The following CCDC102B variants were observed in gnomAD, a reference collection of about 807,000 sequenced individuals.
CCDC102B encodes the protein coiled-coil domain-containing protein 102B.
Under a neutral mutation model 57.4 loss-of-function variants are expected in CCDC102B, and 75 were observed. The observed-to-expected ratio is 1.31, with a 90% CI of 1.08 to 1.58. CCDC102B has a LOEUF of 1.58. CCDC102B is among the 40% of genes most tolerant of loss of function. CCDC102B has a pLI of 0.00. For synonymous variants in CCDC102B, 206 were observed against 201.9 expected, an observed-to-expected ratio of 1.02 and a Z score of -0.17; for missense variants, 636 against 582.6, an observed-to-expected ratio of 1.09 and a Z score of -0.94.
intron 2 of CCDC102B, among the ~76,000 whole-genome samples, chr18:68,757,238 A>G (rs631470): frequency 0.074 from 11,188 of 152,206 alleles, 795 homozygotes; most frequent in African/African-American, 0.18. Flanking sequence ...ATTAGCTTGC[A>G]TGAAGAAAAT....
At chr18:68,810,777 G>C (rs1251397071) in intron 1 of CCDC102B, among the ~76,000 whole-genome samples, 1 of 142,828 alleles carries the variant, frequency 7.0e-6, no homozygotes, top group Non-Finnish European at 1.5e-5. Flanking sequence ...TGCCATGGTG[G>C]TTTGCTGCAC....
At chr18:68,865,414 A>C (rs1942296) in intron 4 of CCDC102B, among the ~76,000 whole-genome samples, 151,865 of 152,166 alleles carry the variant, frequency 1, 75,783 homozygotes, top group Middle Eastern at 1. Flanking sequence ...TTCACTGCTC[A>C]GACTGGTTTT....
chr18:68,738,993 C>CTTATTTTT lies in CCDC102B; in HGVS notation c.-67+22401_-67+22402insATTTTTTT, dbSNP rs1555695902. On this transcript the variant is annotated intron_variant, in intron 2 of 3. Transcript: ENST00000578970. ...GGCCATTGGACTGTAGATGAGCAGC[C>CTTATTTTT]TTTTGTTTTTTTTTTTTTTAGACCA... Among the ~76,000 whole-genome samples the CTTATTTTT allele has an allele frequency of 3.8e-3, 547 of 144,988 alleles. 7 individuals are homozygous for CTTATTTTT. The highest frequency in any genetic ancestry group is 0.028 in the Admixed American group (410 of 14,552).
intron 6 of CCDC102B, among the ~76,000 whole-genome samples, chr18:68,967,733 A>C (rs1465232550): frequency 3.3e-5 from 5 of 152,152 alleles, no homozygotes; most frequent in African/African-American, 4.8e-5. Flanking sequence ...CTATGTGATT[A>C]ATAATAAAAC....
At chr18:69,032,683 T>A (rs2052180198) in intron 7 of CCDC102B, among the ~76,000 whole-genome samples, 2 of 152,182 alleles carry the variant, frequency 1.3e-5, no homozygotes, top group South Asian at 2.1e-4. Context: ...ATACTTCTAC[T>A]GCAAGTGATC....
intron 7 of CCDC102B, among the ~76,000 whole-genome samples, chr18:69,038,407 A>G (rs2052350469): frequency 6.6e-6 from 1 of 152,024 alleles, no homozygotes; most frequent in Non-Finnish European, 1.5e-5. Flanking sequence ...TGAATAAAAC[A>G]TGAATATTTT....
chr18:68,921,520 C>T (rs528991110), intron 6 of CCDC102B, among the ~76,000 whole-genome samples: 3 of 152,204 alleles, frequency 2.0e-5, no homozygotes, highest in East Asian at 3.9e-4. Flanking sequence ...TATAGATTAC[C>T]CTACATTATC....
chr18:69,044,163 T>A (rs2052501468), intron 7 of CCDC102B, among the ~76,000 whole-genome samples: 1 of 152,158 alleles, frequency 6.6e-6, no homozygotes, highest in Non-Finnish European at 1.5e-5. Context: ...TCTTTTTACC[T>A]GTCATAAAGC....
intron 5 of CCDC102B, among the ~76,000 whole-genome samples, chr18:68,882,841 C>T (rs922723344): frequency 2.6e-5 from 4 of 152,046 alleles, no homozygotes; most frequent in African/African-American, 9.7e-5. Flanking sequence ...TTTGCAGGGA[C>T]ATGGATGGGG....
chr18:68,774,970 A>G (rs1231216714), intron 2 of CCDC102B, among the ~76,000 whole-genome samples: 1 of 150,998 alleles, frequency 6.6e-6, no homozygotes, highest in Non-Finnish European at 1.5e-5. Context: ...GTTAAAATAT[A>G]TGCTATATAC....
intron 6 of CCDC102B, among the ~76,000 whole-genome samples, chr18:68,970,315 C>T (rs1444228180): frequency 2.0e-5 from 3 of 151,836 alleles, no homozygotes; most frequent in Non-Finnish European, 4.4e-5. Flanking sequence ...ATATAAAGAA[C>T]AAGAACTACA....
In CCDC102B at chr18:68,866,797, G is replaced by C; in HGVS notation, c.937-7872G>C. On this transcript the variant is annotated intron_variant, in intron 4 of 7. Transcript: ENST00000360242. The stretch of plus-strand genomic sequence containing the variant: ...TGGTATGTCGGTGCTTTTGCTCCCT[G>C]GGAACTTTGAGTCTTATTTGAAACT... 1.0e-5 allele frequency: 7 copies of C among 694,110 alleles called. No individual in the cohort carries two copies. The Admixed American group carries it at 1.3e-4, about 12-fold the overall frequency. 43.0% of individuals were successfully genotyped at this position (694,110 alleles called of 1,614,324 possible).
chr18:68,806,629 C>G (rs1436991116), intron 1 of CCDC102B, among the ~76,000 whole-genome samples: 1 of 152,024 alleles, frequency 6.6e-6, no homozygotes, highest in Non-Finnish European at 1.5e-5. Flanking sequence ...AAAAGAGAAG[C>G]TCTTAAAGTC....
At position 69,022,193 on chromosome 18, in the gene CCDC102B, CTATATATATATA is replaced by C. The variant is rs57226048; in HGVS notation, c.1434+11108_1434+11119del. ...TTTATTAGACCCATTATCCTTTAGC[CTATATATATATA>C]TATATATATATATATATAACACACA... is the stretch of plus-strand genomic sequence containing the variant. On this transcript the variant is annotated intron_variant, in intron 7 of 7. Coordinates refer to ENST00000360242, the MANE Select transcript of CCDC102B (RefSeq NM_024781.3). 9.7e-3 allele frequency among the ~76,000 whole-genome samples: 1,372 copies of C among 142,042 alleles called. 15 individuals carry two copies. Among genetic ancestry groups the C allele is most frequent in the Non-Finnish European group, 0.015 (1,007 of 67,000 alleles). The allele number at this position is 142,042 out of a possible 152,430, so 93.2% of individuals were successfully genotyped here.
chr18:68,940,290 G>C (rs761904495), intron 6 of CCDC102B, among the ~76,000 whole-genome samples: 41 of 151,896 alleles, frequency 2.7e-4, no homozygotes, highest in Middle Eastern at 3.4e-3. Context: ...ATAATAATAT[G>C]TATCTCTTAG....
intron 6 of CCDC102B, among the ~76,000 whole-genome samples, chr18:68,932,436 T>G (rs1314703291): frequency 6.6e-6 from 1 of 151,836 alleles, no homozygotes; most frequent in Non-Finnish European, 1.5e-5. Flanking sequence ...AATGGCAAAA[T>G]TTTCTAGACC....
chr18:69,022,223 AACAC>A (rs1261563745), intron 7 of CCDC102B, among the ~76,000 whole-genome samples: 5 of 100,586 alleles, frequency 5.0e-5, no homozygotes, highest in African/African-American at 2.2e-4. Flanking sequence ...ATATATATAT[AACAC>A]ACACACACGC....
At chr18:69,016,844 G>A (rs1437961862) in intron 7 of CCDC102B, among the ~76,000 whole-genome samples, 2 of 151,960 alleles carry the variant, frequency 1.3e-5, no homozygotes, top group Non-Finnish European at 2.9e-5. Flanking sequence ...TTTCTAAGTG[G>A]AATTTCTTAG....
At chr18:68,968,516 T>C (rs2050217960) in intron 6 of CCDC102B, among the ~76,000 whole-genome samples, 1 of 152,200 alleles carries the variant, frequency 6.6e-6, no homozygotes, top group Non-Finnish European at 1.5e-5. Context: ...AAGATATTTA[T>C]CACCTTCGAA....
Sources: allele counts gnomAD v4.1 joint callset (sites outside exome capture counted in the v4.1 genomes callset), GRCh38; gene constraint gnomAD v4.1.1; transcripts MANE v1.5; gene names NCBI Gene and HGNC (gene_info 2026-07-23, HGNC 2026-07-21).